TMEM18: variants seen among roughly 807,000 people sequenced by gnomAD.
TMEM18 encodes transmembrane protein 18.
In TMEM18, 14 loss-of-function variants were observed where a neutral mutation model predicts 17.4. That is an observed-to-expected ratio of 0.80 (90% CI 0.53 to 1.25). The LOEUF is 1.25. Ranked by LOEUF, TMEM18 falls within the 50% of genes most tolerant of loss-of-function variation. The probability of loss-of-function intolerance (pLI) is 0.00; values close to 1 mark genes in which losing one functional copy is unlikely to be tolerated. For synonymous variants in TMEM18, 86 were observed against 66.1 expected (o/e 1.30, Z -1.46); for missense variants, 187 against 172.1 (o/e 1.09, Z -0.48).
intron 3 of TMEM18, chr2:670,323 T>A (rs1678808562): frequency 6.2e-6 from 1 of 162,094 alleles, no homozygotes; most frequent in Non-Finnish European, 1.3e-5. Context: ...TCCCTTTGGT[T>A]CTCATAGCAG....
In TMEM18 at chr2:666,344, G is replaced by A. The variant is rs1316379975; in HGVS notation, c.*3236C>T. 7.2e-5 allele frequency among the ~76,000 whole-genome samples: 11 copies of A among 152,132 alleles called. No homozygotes were observed. Among genetic ancestry groups the A allele is most frequent in the Admixed American group, 1.3e-4 (2 of 15,286 alleles). ...CCTTTCAGGGCCTGTGCCAGTCAGC[G>A]CCTCCCCTGGCATAGGTCTTGTGCA... On this transcript the variant is annotated 3_prime_UTR_variant, in exon 5 of 5. Transcript: ENST00000281017.
At chr2:676,628 T>C (rs532855434) in intron 1 of TMEM18, 1 of 1,550,190 alleles carries the variant, frequency 6.5e-7, no homozygotes, top group South Asian at 1.2e-5. Context: ...CCAGACCCCA[T>C]CGAGTGCCCA....
intron 3 of TMEM18, among the ~76,000 whole-genome samples, chr2:672,434 C>T (rs1047313897): frequency 1.3e-5 from 2 of 152,158 alleles, no homozygotes; most frequent in African/African-American, 4.8e-5. Flanking sequence ...CTACTCAGGT[C>T]CAGACTCCCC....
intron 2 of TMEM18, among the ~76,000 whole-genome samples, chr2:673,464 G>A (rs1678912166): frequency 1.3e-5 from 2 of 152,134 alleles, no homozygotes; most frequent in South Asian, 2.1e-4. Flanking sequence ...CAGCTAATTC[G>A]TGGGTAATGC....
Position 667,635 on chromosome 2 carries a change from C to T in TMEM18, c.*1945G>A, listed in dbSNP as rs975341114. ...ATGACTTTCCCTAAAATGAGGACAA[C>T]ATATCAAGACAATTGTTAACAATGC... On this transcript the variant is annotated 3_prime_UTR_variant, in exon 5 of 5. Coordinates refer to ENST00000281017, the MANE Select transcript of TMEM18 (RefSeq NM_152834.4). 11 of 152,182 alleles carry T rather than the reference C, an allele frequency of 7.2e-5. No homozygotes were observed. The highest frequency in any genetic ancestry group is 7.2e-4 in the Admixed American group (11 of 15,282). 9.4% of individuals were successfully genotyped at this position (152,182 alleles called of 1,614,324 possible). A position where few individuals can be genotyped will look rare whatever the true frequency, so the allele number is the denominator to read the frequency against.
intron 1 of TMEM18, chr2:676,159 C>T (rs1401375013): frequency 7.5e-7 from 1 of 1,333,986 alleles, no homozygotes; most frequent in South Asian, 1.2e-5. Context: ...TGATTTTCTC[C>T]AACCTCTCTG....
chr2:672,906 A>G (rs1399372709), intron 2 of TMEM18, 44 bp from the exon 3 acceptor site: 1 of 1,475,280 alleles, frequency 6.8e-7, no homozygotes, highest in East Asian at 2.7e-5. Context: ...ATGGCCCGTT[A>G]TTACTCGTTA....
chr2:669,320 G>A lies in TMEM18; in HGVS notation c.*260C>T, dbSNP rs940115284. ...TGGACTTCTTCAAATCAAATTCCCA[G>A]TTATGAAGCTCTGCAGAGACCGTTC... On this transcript the variant is annotated 3_prime_UTR_variant, in exon 5 of 5. Coordinates refer to ENST00000281017, the MANE Select transcript of TMEM18 (RefSeq NM_152834.4). The A allele has an allele frequency of 2.1e-6, 1 of 473,936 alleles. No homozygotes were observed. The highest frequency in any genetic ancestry group is 3.7e-6 in the Non-Finnish European group (1 of 268,448). 29.4% of individuals were successfully genotyped at this position (473,936 alleles called of 1,614,324 possible).
chr2:664,326 A>G lies in TMEM18; in HGVS notation c.*5254T>C, dbSNP rs1395164207. ...TTCCTGATGATACATAAAGCAAAAAACTGTTTGACTTTCTAAAACCTTTTC... is the reference window on the plus strand; with the variant it reads ...TTCCTGATGATACATAAAGCAAAAAGCTGTTTGACTTTCTAAAACCTTTTC... On this transcript the variant is annotated 3_prime_UTR_variant, in exon 5 of 5. Transcript: ENST00000281017. Among the ~76,000 whole-genome samples, 2 of 152,354 alleles carry G rather than the reference A, an allele frequency of 1.3e-5. No individual in the cohort carries two copies. Among genetic ancestry groups the G allele is most frequent in the East Asian group, 3.9e-4 (2 of 5,186 alleles).
chr2:672,312 G>A lies in TMEM18; in HGVS notation c.233+496C>T, dbSNP rs185252097. The stretch of plus-strand genomic sequence containing the variant: ...CGAGTCCCCTGGGATGAAGCCAGGG[G>A]TAGAGGAGGGGGCAGAGGACGCAGG... On this transcript the variant is annotated intron_variant, in intron 3 of 4. Transcript: ENST00000281017. 7.5e-3 allele frequency among the ~76,000 whole-genome samples: 1,136 copies of A among 152,278 alleles called. 49 individuals are homozygous for A. Among genetic ancestry groups the A allele is most frequent in the Admixed American group, 0.069 (1,049 of 15,292 alleles).
At position 665,843 on chromosome 2, in the gene TMEM18, G is replaced by A. The variant is rs1033584933; in HGVS notation, c.*3737C>T. Among the ~76,000 whole-genome samples, 4 of 152,068 alleles carry A rather than the reference G, an allele frequency of 2.6e-5. No homozygotes were observed. The highest frequency in any genetic ancestry group is 5.9e-5 in the Non-Finnish European group (4 of 68,030). On this transcript the variant is annotated 3_prime_UTR_variant, in exon 5 of 5. Coordinates refer to ENST00000281017, the MANE Select transcript of TMEM18 (RefSeq NM_152834.4). ...AACCCCACACACAACAGGACACAGA[G>A]ATGCAGATGCCCCACTCACTCAGAT... is the stretch of plus-strand genomic sequence containing the variant.
chr2:675,766 CAG>C (rs1055559442), intron 1 of TMEM18, 136 bp from the exon 2 acceptor site: 1 of 1,534,742 alleles, frequency 6.5e-7, no homozygotes, highest in Non-Finnish European at 8.7e-7. Flanking sequence ...ACCAAGTATC[CAG>C]AGAGCATTGC....
chr2:675,761 G>C (rs1678988066), intron 1 of TMEM18, 131 bp from the exon 2 acceptor site: 4 of 1,535,606 alleles, frequency 2.6e-6, no homozygotes. Flanking sequence ...TACTCACCAA[G>C]TATCCAGAGA....
rs1237379006 is a variant in TMEM18, at chr2:665,358, A to G, written c.*4222T>C. Among the ~76,000 whole-genome samples, 1 of 150,472 alleles carries G rather than the reference A, an allele frequency of 6.6e-6. No homozygotes were observed. The highest frequency in any genetic ancestry group is 6.6e-5 in the Admixed American group (1 of 15,078). ...GCACCACTCACTCAGATAGAGAATC[A>G]ACCCCACATAAACTAGAACCCAGAG... On this transcript the variant is annotated 3_prime_UTR_variant, in exon 5 of 5. Transcript: ENST00000281017.
chr2:669,877 T>A (rs754468561), intron 3 of TMEM18, 27 bp from the exon 4 acceptor site: 4 of 1,565,636 alleles, frequency 2.6e-6, no homozygotes, highest in Non-Finnish European at 8.7e-7. Context: ...AACAAAAAAT[T>A]ACTAGGCAAT....
At chr2:671,876 G>A (rs1678857163) in intron 3 of TMEM18, among the ~76,000 whole-genome samples, 1 of 152,116 alleles carries the variant, frequency 6.6e-6, no homozygotes, top group Non-Finnish European at 1.5e-5. Context: ...CGGGAGGAGA[G>A]GCAGGGTCCC....
rs1222107451 is a variant in TMEM18 at position 668,614 on chromosome 2, C to T, written c.*966G>A. On this transcript the variant is annotated 3_prime_UTR_variant, in exon 5 of 5. Transcript: ENST00000281017. Reference sequence around the variant, plus strand: ...GCACAATCAGTATTCCCTTATTGAACACCTATTTTTAAATATCTGGGTCTC... The same window carrying T: ...GCACAATCAGTATTCCCTTATTGAATACCTATTTTTAAATATCTGGGTCTC... The T allele has an allele frequency of 6.6e-6, 1 of 152,236 alleles. No individual in the cohort carries two copies. Among genetic ancestry groups the T allele is most frequent in the Non-Finnish European group, 1.5e-5 (1 of 68,046 alleles). The allele number at this position is 152,236 out of a possible 1,614,324, so 9.4% of individuals were successfully genotyped here.
intron 1 of TMEM18, 69 bp from the exon 2 acceptor site, chr2:675,699 C>T (rs1451849748): frequency 1.9e-6 from 3 of 1,588,964 alleles, no homozygotes; most frequent in Admixed American, 1.8e-5. Flanking sequence ...CCACCCACAG[C>T]CTTCTCCCAG....
At chr2:669,995 G>A (rs1388383537) in intron 3 of TMEM18, 145 bp from the exon 4 acceptor site, 1 of 637,080 alleles carries the variant, frequency 1.6e-6, no homozygotes, top group East Asian at 2.7e-5. Context: ...CTTGGGAGCA[G>A]CGGTAATCTC....
Sources: allele counts gnomAD v4.1 joint callset (sites outside exome capture counted in the v4.1 genomes callset), GRCh38; gene constraint gnomAD v4.1.1; transcripts MANE v1.5; gene names NCBI Gene and HGNC (gene_info 2026-07-23, HGNC 2026-07-21).